The following SUPT3H variants were observed in gnomAD, a reference collection of about 807,000 sequenced individuals.
SUPT3H encodes the protein SPT3 homolog, SAGA and STAGA complex component.
In SUPT3H, 44 loss-of-function variants were observed where a neutral mutation model predicts 44.3. The observed-to-expected ratio is 0.99, with a 90% CI of 0.78 to 1.28. SUPT3H has a LOEUF of 1.28. Ranked by LOEUF, SUPT3H falls within the 50% of genes most tolerant of loss-of-function variation. The pLI is 0.00. For missense variants in SUPT3H, 380 were observed against 387.1 expected, an observed-to-expected ratio of 0.98 and a Z score of 0.15; for synonymous variants, 124 against 125.6, an observed-to-expected ratio of 0.99 and a Z score of 0.09.
chr6:45,343,523 C>T (rs1790249928), intron 2 of SUPT3H, among the ~76,000 whole-genome samples: 1 of 152,116 alleles, frequency 6.6e-6, no homozygotes, highest in Non-Finnish European at 1.5e-5. Context: ...TCATACACCC[C>T]TCAGTTTACC....
chr6:45,262,875 A>C (rs1262185458), intron 2 of SUPT3H, among the ~76,000 whole-genome samples: 1 of 152,166 alleles, frequency 6.6e-6, no homozygotes, highest in Non-Finnish European at 1.5e-5. Flanking sequence ...CAGCCAACAA[A>C]TATATGAGAA....
intron 2 of SUPT3H, among the ~76,000 whole-genome samples, chr6:45,158,296 A>ATTTT (rs1489076667): frequency 0.011 from 803 of 71,992 alleles, 32 homozygotes; most frequent in South Asian, 0.022. Context: ...ATATATATAT[A>ATTTT]TATTTTTTTT....
At chr6:45,334,615 A>C (rs1206636095) in intron 2 of SUPT3H, among the ~76,000 whole-genome samples, 1 of 151,246 alleles carries the variant, frequency 6.6e-6, no homozygotes, top group African/African-American at 2.4e-5. Context: ...TTTACACCGA[A>C]ACAAAATACG....
chr6:45,213,382 A>C (rs1764453741), intron 2 of SUPT3H, among the ~76,000 whole-genome samples: 1 of 152,254 alleles, frequency 6.6e-6, no homozygotes, highest in African/African-American at 2.4e-5. Flanking sequence ...ATGCTCCAAA[A>C]GAAAAATGAA....
intron 2 of SUPT3H, among the ~76,000 whole-genome samples, chr6:45,129,330 G>C (rs953227247): frequency 6.6e-6 from 1 of 152,174 alleles, no homozygotes; most frequent in African/African-American, 2.4e-5. Flanking sequence ...GGATAAAGAA[G>C]TTTTCATTTG....
intron 2 of SUPT3H, among the ~76,000 whole-genome samples, chr6:45,310,418 C>T (rs1472196860): frequency 6.6e-6 from 1 of 152,176 alleles, no homozygotes; most frequent in East Asian, 1.9e-4. Context: ...TCCCTCTCCA[C>T]ACTACTACAG....
At chr6:44,836,020 A>T (rs902130966) in intron 10 of SUPT3H, among the ~76,000 whole-genome samples, 4 of 152,162 alleles carry the variant, frequency 2.6e-5, no homozygotes, top group Non-Finnish European at 5.9e-5. Flanking sequence ...GGAGTTTCAT[A>T]TGAAAGCTAT....
intron 2 of SUPT3H, among the ~76,000 whole-genome samples, chr6:45,145,333 G>A (rs913906544): frequency 6.6e-6 from 1 of 152,052 alleles, no homozygotes; most frequent in Admixed American, 6.6e-5. Flanking sequence ...TAGAGCAATA[G>A]AACAGAACAG....
chr6:44,842,953 C>T (rs1167148311), intron 10 of SUPT3H, among the ~76,000 whole-genome samples: 4 of 151,808 alleles, frequency 2.6e-5, no homozygotes, highest in Middle Eastern at 3.4e-3. Context: ...CATACTGTTA[C>T]GTGGAAGGGA....
At chr6:44,876,857 GAA>G (rs1198321571) in intron 10 of SUPT3H, among the ~76,000 whole-genome samples, 1 of 115,972 alleles carries the variant, frequency 8.6e-6, no homozygotes, top group African/African-American at 3.1e-5. Context: ...AAAAGAAAAA[GAA>G]AAAAAAAGTG....
chr6:45,219,446 C>T (rs1031349582), intron 2 of SUPT3H, among the ~76,000 whole-genome samples: 1 of 151,084 alleles, frequency 6.6e-6, no homozygotes, highest in Non-Finnish European at 1.5e-5. Context: ...ATGAAAAAAA[C>T]GACATTACCA....
At chr6:45,135,181 C>A (rs931674005) in intron 2 of SUPT3H, among the ~76,000 whole-genome samples, 4 of 152,140 alleles carry the variant, frequency 2.6e-5, no homozygotes, top group African/African-American at 9.7e-5. Context: ...CTCCCTGGCA[C>A]CTTGCTAGAA....
intron 2 of SUPT3H, among the ~76,000 whole-genome samples, chr6:45,137,894 C>T (rs1197734118): frequency 6.6e-6 from 1 of 151,772 alleles, no homozygotes; most frequent in Non-Finnish European, 1.5e-5. Context: ...AAAACTTTTT[C>T]ATTTCAAAAA....
chr6:45,278,288 A>G (rs939908855), intron 2 of SUPT3H, among the ~76,000 whole-genome samples: 1 of 152,216 alleles, frequency 6.6e-6, no homozygotes, highest in African/African-American at 2.4e-5. Flanking sequence ...AACTAAAAGT[A>G]TAATTTAAAA....
chr6:45,343,493 C>T (rs543707169), intron 2 of SUPT3H, among the ~76,000 whole-genome samples: 1 of 152,248 alleles, frequency 6.6e-6, no homozygotes, highest in East Asian at 1.9e-4. Context: ...GCTTTTCAAA[C>T]CTGAATAGAA....
intron 3 of SUPT3H, among the ~76,000 whole-genome samples, chr6:45,077,626 C>CAAAAAAAAAAAAAAAAAAAAAAAAAAAGA (rs70993493): frequency 2.9e-5 from 1 of 34,030 alleles, no homozygotes; most frequent in Non-Finnish European, 4.7e-5. Context: ...GACCTTGTTT[C>CAAAAAAAAAAAAAAAAAAAAAAAAAAAGA]AAAAAAAAAA....
Position 45,051,548 on chromosome 6 carries a change from T to A in SUPT3H, c.187-30916A>T, listed in dbSNP as rs183740045. ...TATGTATATATATTTATTAAATATA[T>A]GTATTTATACATATATCACAGGACA... On this transcript the variant is annotated intron_variant, in intron 3 of 10. Coordinates refer to ENST00000371459, the MANE Select transcript of SUPT3H (RefSeq NM_003599.4). Among the ~76,000 whole-genome samples, 6 of 151,406 alleles carry A rather than the reference T, an allele frequency of 4.0e-5. 1 individual carries two copies. Among genetic ancestry groups the A allele is most frequent in the Admixed American group, 3.3e-4 (5 of 15,174 alleles).
At chr6:45,323,035 T>C in intron 2 of SUPT3H, 1 of 913,240 alleles carries the variant, frequency 1.1e-6, no homozygotes, top group South Asian at 1.8e-5. Context: ...AGACATACGA[T>C]GATATTCATG....
intron 2 of SUPT3H, among the ~76,000 whole-genome samples, chr6:45,259,266 G>A (rs1160914728): frequency 3.9e-5 from 6 of 151,902 alleles, no homozygotes; most frequent in African/African-American, 9.7e-5. Context: ...CAATTGGGGG[G>A]GAGGGTGAAT....
Sources: gnomAD v4.1 joint callset for allele counts (sites outside exome capture counted in the v4.1 genomes callset) on GRCh38, gnomAD v4.1.1 for gene constraint, MANE v1.5 for transcripts, NCBI Gene and HGNC (gene_info 2026-07-23, HGNC 2026-07-21) for gene names.